MAVS: variants seen among roughly 807,000 people sequenced by gnomAD.
The protein encoded by MAVS is mitochondrial antiviral signaling protein, also known as mitochondrial antiviral-signaling protein.
In MAVS, 20 loss-of-function variants were observed where a neutral mutation model predicts 30.2. That is an observed-to-expected ratio of 0.66 (90% confidence interval 0.47 to 0.96). The LOEUF (loss-of-function observed/expected upper bound fraction) is 0.96. Among genes scored for constraint, MAVS ranks in the 40% least tolerant of loss-of-function variants. The pLI is 0.00. For synonymous variants in MAVS, 278 were observed against 293.9 expected (o/e 0.95, Z 0.55); for missense variants, 624 against 701.1 (o/e 0.89, Z 1.24).
chr20:3,860,021 G>A (rs942447574), intron 3 of MAVS, among the ~76,000 whole-genome samples: 4 of 151,964 alleles, frequency 2.6e-5, no homozygotes, highest in East Asian at 1.9e-4. Flanking sequence ...GTTTCACCGT[G>A]TTAGCCAGGA....
At position 3,861,335 on chromosome 20, in the gene MAVS, C is replaced by A; in HGVS notation, c.296C>A (p.Thr99Asn). Residue 99 changes from threonine to asparagine, a missense_variant, in exon 4 of 7, where the codon ACC becomes AAC. Transcript: ENST00000428216. ...TCACTACATCTTTGTCCTCTAGGGA[C>A]CTCGGACCGTCCCCCAGACCCACTG... ...ASVYQSYQPR[T>N]SDRPPDPLEP... 1.2e-6 allele frequency: 2 copies of A among 1,611,698 alleles called. No individual in the cohort carries two copies. The highest frequency in any genetic ancestry group is 8.5e-7 in the Non-Finnish European group (1 of 1,178,820).
In MAVS at chr20:3,864,766, C is replaced by G; in HGVS notation, c.1136C>G (p.Thr379Ser). Residue 379 changes from threonine to serine, a missense_variant, in exon 6 of 7, where the codon ACT becomes AGT. Coordinates refer to ENST00000428216, the MANE Select transcript of MAVS (RefSeq NM_020746.5). ...AAGGTGTCTGCCAGCACAGTCCCCA[C>G]TGACGGGAGCAGCAGAAATGAGGTG... ...LTKVSASTVP[T>S]DGSSRNEETP... 8.1e-6 allele frequency: 13 copies of G among 1,613,982 alleles called. No homozygotes were observed. Among genetic ancestry groups the G allele is most frequent in the Non-Finnish European group, 1.1e-5 (13 of 1,179,912 alleles).
Position 3,874,087 on chromosome 20 carries a change from G to A in MAVS, c.*7940G>A, listed in dbSNP as rs545176437. 10 of 398,596 alleles carry A rather than the reference G, an allele frequency of 2.5e-5. No individual in the cohort carries two copies. The highest frequency in any genetic ancestry group is 2.1e-4 in the African/African-American group (10 of 48,740). The allele number at this position is 398,596 out of a possible 1,614,324, so 24.7% of individuals were successfully genotyped here. A position where few individuals can be genotyped will look rare whatever the true frequency, so the allele number is the denominator to read the frequency against. Reference sequence around the variant, plus strand: ...GGGTCGAATACTACTGCACAGCAACGAATATGAATGAAAATATCGCTATGC... The same window carrying A: ...GGGTCGAATACTACTGCACAGCAACAAATATGAATGAAAATATCGCTATGC... On this transcript the variant is annotated 3_prime_UTR_variant, in exon 7 of 7. Transcript: ENST00000428216.
In MAVS at chr20:3,864,397, C is replaced by T; in HGVS notation, c.767C>T (p.Ser256Phe). The change falls in exon 6 of 7, where the codon TCC (serine) becomes TTC (phenylalanine). Residue 256 changes from serine (S) to phenylalanine (F), a missense_variant. By Grantham distance (155) the Ser-to-Phe change is radical (BLOSUM62 -2). Coordinates refer to ENST00000428216, the MANE Select transcript of MAVS (RefSeq NM_020746.5). ...SVVSTGTSFS[S>F]SSPGLASAGA... The stretch of plus-strand genomic sequence containing the variant: ...GTATCTACTGGCACCTCCTTCTCCT[C>T]CTCATCCCCTGGCTTGGCCTCTGCA... The T allele has an allele frequency of 1.2e-6, 2 of 1,614,090 alleles. No individual in the cohort carries two copies. Among genetic ancestry groups the T allele is most frequent in the African/African-American group, 1.3e-5 (1 of 75,022 alleles).
intron 1 of MAVS, among the ~76,000 whole-genome samples, chr20:3,847,684 A>G (rs2089720573): frequency 6.6e-6 from 1 of 152,162 alleles, no homozygotes; most frequent in South Asian, 2.1e-4. Flanking sequence ...TGTTGCTTCC[A>G]CCTAAGTGCA....
intron 2 of MAVS, 72 bp downstream of exon 2, chr20:3,854,813 C>G: frequency 9.4e-7 from 1 of 1,068,810 alleles, no homozygotes; most frequent in East Asian, 2.5e-5. Flanking sequence ...CAGCCCCATC[C>G]TAGTTCCTCA....
chr20:3,853,790 T>C (rs1288332555), intron 1 of MAVS, among the ~76,000 whole-genome samples: 1 of 151,750 alleles, frequency 6.6e-6, no homozygotes, highest in East Asian at 1.9e-4. Context: ...CCCCATCTGT[T>C]TGTTTGTTTG....
Position 3,861,330 on chromosome 20 carries a change from A to G in MAVS, c.293-2A>G. 1 of 1,609,750 alleles carries G rather than the reference A, an allele frequency of 6.2e-7. No homozygotes were observed. Among genetic ancestry groups the G allele is most frequent in the Non-Finnish European group, 8.5e-7 (1 of 1,177,772 alleles). ...TGATATCACTACATCTTTGTCCTCT[A>G]GGGACCTCGGACCGTCCCCCAGACC... On this transcript the variant is annotated splice_acceptor_variant, in intron 3 of 6. Coordinates refer to ENST00000428216, the MANE Select transcript of MAVS (RefSeq NM_020746.5). LOFTEE classifies it high-confidence loss of function.
chr20:3,867,226 G>A lies in MAVS; in HGVS notation c.*1079G>A, dbSNP rs1382879453. Reference sequence around the variant, plus strand: ...ACCAGCTCTGTGACCTTGGGCAAGGGATTTATCTGTCTGTCCCTTAGTTTT... The same window carrying A: ...ACCAGCTCTGTGACCTTGGGCAAGGAATTTATCTGTCTGTCCCTTAGTTTT... On this transcript the variant is annotated 3_prime_UTR_variant, in exon 7 of 7. Transcript: ENST00000428216. 2.7e-6 allele frequency: 1 copy of A among 364,414 alleles called. No homozygotes were observed. The highest frequency in any genetic ancestry group is 5.4e-6 in the Non-Finnish European group (1 of 185,052). The allele number at this position is 364,414 out of a possible 1,614,324, so 22.6% of individuals were successfully genotyped here. A position where few individuals can be genotyped will look rare whatever the true frequency, so the allele number is the denominator to read the frequency against.
intron 2 of MAVS, among the ~76,000 whole-genome samples, chr20:3,857,035 G>GA (rs753537485): frequency 0.068 from 5,751 of 84,276 alleles, 410 homozygotes; most frequent in African/African-American, 0.19. Flanking sequence ...GACTCCGTCT[G>GA]AAAAAAAAAA....
chr20:3,849,619 A>G lies in MAVS; in HGVS notation c.-68+2716A>G, dbSNP rs77659911. The stretch of plus-strand genomic sequence containing the variant: ...ACCATGCTCTCTGCCTAAAACACCA[A>G]TCTTCTCAGAGCCTGAGAACAGCTC... On this transcript the variant is annotated intron_variant, in intron 1 of 6. Coordinates refer to ENST00000428216, the MANE Select transcript of MAVS (RefSeq NM_020746.5). Among the ~76,000 whole-genome samples, 185 of 152,260 alleles carry G rather than the reference A, an allele frequency of 1.2e-3. 1 individual carries two copies. Among genetic ancestry groups the G allele is most frequent in the African/African-American group, 4.1e-3 (171 of 41,552 alleles).
chr20:3,867,246 A>C lies in MAVS; in HGVS notation c.*1099A>C. On this transcript the variant is annotated 3_prime_UTR_variant, in exon 7 of 7. Transcript: ENST00000428216. ...CAAGGGATTTATCTGTCTGTCCCTTAGTTTTCTCACCTGTAAAAGGAGGAT... is the reference window on the plus strand; with the variant it reads ...CAAGGGATTTATCTGTCTGTCCCTTCGTTTTCTCACCTGTAAAAGGAGGAT... The C allele has an allele frequency of 2.8e-6, 1 of 358,764 alleles. No individual in the cohort carries two copies. The highest frequency in any genetic ancestry group is 5.5e-6 in the Non-Finnish European group (1 of 182,112). The allele number at this position is 358,764 out of a possible 1,614,324, so 22.2% of individuals were successfully genotyped here. A position where few individuals can be genotyped will look rare whatever the true frequency, so the allele number is the denominator to read the frequency against.
chr20:3,860,405 G>A (rs867275881), intron 3 of MAVS, among the ~76,000 whole-genome samples: 2 of 135,598 alleles, frequency 1.5e-5, no homozygotes, highest in East Asian at 2.2e-4. Flanking sequence ...ACGGAGTCTC[G>A]CTCTTGTTGC....
chr20:3,850,784 G>C (rs1219574625), intron 1 of MAVS, among the ~76,000 whole-genome samples: 1 of 151,194 alleles, frequency 6.6e-6, no homozygotes, highest in African/African-American at 2.4e-5. Flanking sequence ...TACTCGGGAG[G>C]CTGAGGCAGG....
chr20:3,851,691 C>T (rs1035756083), intron 1 of MAVS, among the ~76,000 whole-genome samples: 2 of 151,714 alleles, frequency 1.3e-5, no homozygotes, highest in African/African-American at 4.8e-5. Flanking sequence ...CATGGTGGCT[C>T]ACGCCTGTAA....
At chr20:3,862,801 C>T (rs2089877020) in intron 5 of MAVS, among the ~76,000 whole-genome samples, 1 of 152,156 alleles carries the variant, frequency 6.6e-6, no homozygotes, top group African/African-American at 2.4e-5. Context: ...TATGTAGTCT[C>T]TCATCCTCCA....
chr20:3,864,748 C>A lies in MAVS; in HGVS notation c.1118C>A (p.Ser373Tyr). 1 of 1,614,208 alleles carries A rather than the reference C, an allele frequency of 6.2e-7. No homozygotes were observed. ...ACTAGCATGGTGCTCACCAAGGTGT[C>A]TGCCAGCACAGTCCCCACTGACGGG... The part of the protein sequence containing the change: ...VPTSMVLTKV[S>Y]ASTVPTDGSS... Residue 373 changes from serine (S) to tyrosine (Y), a missense_variant, in exon 6 of 7, where the codon TCT (serine) becomes TAT (tyrosine). Transcript: ENST00000428216.
rs1444209340 is a variant in MAVS, at chr20:3,862,403, C to T, written c.615C>T (p.Thr205=). The change falls in exon 5 of 7, where the codon ACC becomes ACT. Residue 205 remains threonine, a synonymous_variant. Coordinates refer to ENST00000428216, the MANE Select transcript of MAVS (RefSeq NM_020746.5). The part of the protein sequence containing the change: ...HQEQDTELGS[T]HTAGATSSLT... ...AGCAGGACACAGAACTGGGCAGTACCCACACAGCAGGTATGCATGGAATCT... is the reference window on the plus strand; with the variant it reads ...AGCAGGACACAGAACTGGGCAGTACTCACACAGCAGGTATGCATGGAATCT... 3 of 1,613,192 alleles carry T rather than the reference C, an allele frequency of 1.9e-6. No homozygotes were observed. The highest frequency in any genetic ancestry group is 3.3e-5 in the Admixed American group (2 of 59,842).
intron 1 of MAVS, among the ~76,000 whole-genome samples, chr20:3,850,157 G>T (rs928486739): frequency 2.0e-5 from 3 of 150,336 alleles, no homozygotes; most frequent in Non-Finnish European, 4.4e-5. Flanking sequence ...GGCGCCTGTA[G>T]TCCCAGCTAC....
Sources: allele counts gnomAD v4.1 joint callset (sites outside exome capture counted in the v4.1 genomes callset), GRCh38; gene constraint gnomAD v4.1.1; transcripts MANE v1.5; gene names NCBI Gene and HGNC (gene_info 2026-07-23, HGNC 2026-07-21).